Variants in FAM200B observed in about 807,000 individuals in gnomAD.
FAM200B encodes protein FAM200B.
A neutral mutation model predicts 33.1 loss-of-function variants in FAM200B; 32 were observed. The observed-to-expected ratio is 0.97, with a 90% CI of 0.73 to 1.30. The LOEUF (loss-of-function observed/expected upper bound fraction) is 1.30. Ranked by LOEUF, FAM200B falls within the 50% of genes most tolerant of loss-of-function variation. The pLI, the probability that FAM200B is intolerant of heterozygous loss-of-function variation, is 0.00. For synonymous variants in FAM200B, 240 were observed against 264.8 expected, an observed-to-expected ratio of 0.91 and a Z score of 0.91; for missense variants, 741 against 754.0, an observed-to-expected ratio of 0.98 and a Z score of 0.20.
the FAM200B span, among the ~76,000 whole-genome samples, chr4:15,637,902 TAA>T: frequency 3.0e-4 from 43 of 144,800 alleles, no homozygotes; most frequent in Admixed American, 4.1e-4. Flanking sequence ...CTAGTTTTTT[TAA>T]AAAAAAAAAA....
chr4:15,641,652 C>G, the FAM200B span: 3 of 448,814 alleles, frequency 6.7e-6, no homozygotes, highest in Non-Finnish European at 1.3e-5. Context: ...TTGAGAGATT[C>G]AAAAGTTATA....
At chr4:15,650,192 G>A in the FAM200B span, among the ~76,000 whole-genome samples, 2 of 152,098 alleles carry the variant, frequency 1.3e-5, no homozygotes, top group Non-Finnish European at 2.9e-5. Context: ...CAACGCACAG[G>A]ACAGCCCCCA....
chr4:15,688,022 G>T lies in FAM200B; in HGVS notation c.1045G>T (p.Ala349Ser), dbSNP rs1577546690. ...GAATCTCATGGAGGTATTGAAAAAT[G>T]CAGTGAAAGTTGTTAATTTTATTAA... ...PQNLMEVLKN[A>S]VKVVNFIKGS... is the part of the protein sequence containing the mutation. Residue 349 changes from alanine to serine, a missense_variant, in exon 2 of 2, where the codon GCA becomes TCA. Transcript: ENST00000422728. The T allele has an allele frequency of 2.6e-6, 4 of 1,550,898 alleles. 1 individual carries two copies. In the Admixed American group the frequency reaches 7.8e-5, roughly 30 times the overall value.
chr4:15,680,407 ACC>A (rs1718181849), upstream of FAM200B, among the ~76,000 whole-genome samples: 1 of 152,142 alleles, frequency 6.6e-6, no homozygotes, highest in Non-Finnish European at 1.5e-5. Flanking sequence ...GCAGTGGCTC[ACC>A]CCTGTAATCC....
chr4:15,644,382 A>C, the FAM200B span: 1 of 852,582 alleles, frequency 1.2e-6, no homozygotes, highest in African/African-American at 1.7e-5. Flanking sequence ...GTGACAAAAT[A>C]ATTTTTTTCA....
chr4:15,670,161 G>C, the FAM200B span, among the ~76,000 whole-genome samples: 1 of 152,158 alleles, frequency 6.6e-6, no homozygotes, highest in Non-Finnish European at 1.5e-5. Flanking sequence ...TTGTATTCCA[G>C]TTTATTCACC....
At chr4:15,638,124 T>A in the FAM200B span, among the ~76,000 whole-genome samples, 1 of 152,036 alleles carries the variant, frequency 6.6e-6, no homozygotes, top group East Asian at 1.9e-4. Flanking sequence ...GCCACTATGG[T>A]CAATAAAGCT....
the FAM200B span, among the ~76,000 whole-genome samples, chr4:15,658,127 G>A: frequency 1.3e-5 from 2 of 152,200 alleles, no homozygotes; most frequent in South Asian, 2.1e-4. Flanking sequence ...CCCTGGAAAG[G>A]GTTATTGGCC....
the FAM200B span, chr4:15,644,407 A>T: frequency 9.6e-7 from 1 of 1,041,094 alleles, no homozygotes; most frequent in Non-Finnish European, 1.4e-6. Context: ...TACATCATTT[A>T]CTATAAAACA....
chr4:15,650,220 G>A, the FAM200B span, among the ~76,000 whole-genome samples: 7 of 152,166 alleles, frequency 4.6e-5, no homozygotes, highest in Non-Finnish European at 8.8e-5. Flanking sequence ...GAAATCATCT[G>A]CCTCAAAATG....
Position 15,688,826 on chromosome 4 carries a change from A to G in FAM200B, c.1849A>G (p.Ile617Val). The stretch of plus-strand genomic sequence containing the variant: ...TAGTTTGTGTGAACTAGGGTTTTCC[A>G]TCTTAACGCAGTTAAAAACAAAGGA... ...TTSLCELGFS[I>V]LTQLKTKERN... Residue 617 changes from isoleucine (I) to valine (V), a missense_variant, in exon 2 of 2, where the codon ATC becomes GTC. Coordinates refer to ENST00000422728, the MANE Select transcript of FAM200B (RefSeq NM_001145191.2). 6.4e-7 allele frequency: 1 copy of G among 1,551,544 alleles called. No homozygotes were observed. The highest frequency in any genetic ancestry group is 8.7e-7 in the Non-Finnish European group (1 of 1,146,866).
chr4:15,640,668 G>T, the FAM200B span: 2 of 471,888 alleles, frequency 4.2e-6, no homozygotes, highest in South Asian at 5.0e-5. Flanking sequence ...AAAAAGAACT[G>T]CGTTCTTCTC....
chr4:15,655,300 A>G, the FAM200B span: 1 of 1,395,112 alleles, frequency 7.2e-7, no homozygotes, highest in South Asian at 1.4e-5. Flanking sequence ...CCACTGCCTC[A>G]GCCTCCGCCT....
chr4:15,663,472 A>C, the FAM200B span, among the ~76,000 whole-genome samples: 2 of 152,188 alleles, frequency 1.3e-5, no homozygotes, highest in South Asian at 2.1e-4. Flanking sequence ...GTCTGGGTTC[A>C]AATCTCAGCT....
At chr4:15,676,256 G>A in the FAM200B span, among the ~76,000 whole-genome samples, 4 of 152,194 alleles carry the variant, frequency 2.6e-5, no homozygotes, top group South Asian at 2.1e-4. Context: ...ATAAACTACC[G>A]CATAAAAAGC....
the FAM200B span, among the ~76,000 whole-genome samples, chr4:15,668,744 A>G: frequency 6.6e-6 from 1 of 152,208 alleles, no homozygotes; most frequent in East Asian, 1.9e-4. Flanking sequence ...TTCCCAGACT[A>G]ATTTCTTAGT....
At chr4:15,637,017 A>G in the FAM200B span, among the ~76,000 whole-genome samples, 1 of 152,240 alleles carries the variant, frequency 6.6e-6, no homozygotes, top group South Asian at 2.1e-4. Context: ...AACAGGTTAT[A>G]CAGCTTTAAA....
At chr4:15,641,005 G>T in the FAM200B span, 1 of 517,268 alleles carries the variant, frequency 1.9e-6, no homozygotes, top group Non-Finnish European at 3.4e-6. Flanking sequence ...AAATTGCAAA[G>T]TGGTCTCTGT....
chr4:15,638,234 T>G, the FAM200B span, among the ~76,000 whole-genome samples: 1 of 152,166 alleles, frequency 6.6e-6, no homozygotes, highest in South Asian at 2.1e-4. Flanking sequence ...GTACTGGTGG[T>G]TTTCAATAAT....
Sources: gnomAD v4.1 joint callset for allele counts (sites outside exome capture counted in the v4.1 genomes callset) on GRCh38, gnomAD v4.1.1 for gene constraint, MANE v1.5 for transcripts, NCBI Gene and HGNC (gene_info 2026-07-23, HGNC 2026-07-21) for gene names.